The following CLVS1 variants were observed in gnomAD, a reference collection of about 807,000 sequenced individuals.
CLVS1 encodes the protein clavesin-1.
A neutral mutation model predicts 33.1 loss-of-function variants in CLVS1; 10 were observed. The ratio of observed to expected loss-of-function variants is 0.30; its 90% CI spans 0.19 to 0.51. CLVS1 has a LOEUF of 0.51. CLVS1 is among the 20% of genes least tolerant of loss of function. CLVS1 has a pLI of 0.97. For missense variants in CLVS1, 343 were observed against 433.4 expected (o/e 0.79, Z 1.85); for synonymous variants, 163 against 166.1 (o/e 0.98, Z 0.14).
chr8:61,105,974 G>T (rs764922361), intron 1 of CLVS1, among the ~76,000 whole-genome samples: 1 of 152,170 alleles, frequency 6.6e-6, no homozygotes, highest in Non-Finnish European at 1.5e-5. Context: ...GCCAGAAGCC[G>T]GTTGTAGTTC....
chr8:61,319,624 A>C (rs771716269), intron 2 of CLVS1, among the ~76,000 whole-genome samples: 13 of 152,104 alleles, frequency 8.5e-5, no homozygotes, highest in Non-Finnish European at 1.5e-4. Flanking sequence ...CAAGACCCTC[A>C]TTCCTCTGAT....
chr8:61,048,883 C>T, the CLVS1 span, among the ~76,000 whole-genome samples: 2 of 152,086 alleles, frequency 1.3e-5, no homozygotes, highest in Admixed American at 6.5e-5. Flanking sequence ...TCCTATGCAC[C>T]TGAATCTTTG....
chr8:61,397,744 C>A (rs1295595244), intron 3 of CLVS1, among the ~76,000 whole-genome samples: 1 of 152,114 alleles, frequency 6.6e-6, no homozygotes, highest in African/African-American at 2.4e-5. Flanking sequence ...CTCCCATCAT[C>A]ATTTTTTGAA....
intron 3 of CLVS1, among the ~76,000 whole-genome samples, chr8:61,384,228 C>G (rs1813995731): frequency 6.6e-6 from 1 of 152,188 alleles, no homozygotes; most frequent in Admixed American, 6.5e-5. Context: ...AGGCAAGGAG[C>G]TTGTTTGCCC....
chr8:61,014,246 T>A, the CLVS1 span, among the ~76,000 whole-genome samples: 1 of 152,204 alleles, frequency 6.6e-6, no homozygotes, highest in Non-Finnish European at 1.5e-5. Context: ...CTTGTGGAGC[T>A]GGTGTGCCAC....
chr8:61,208,818 C>G (rs143649578), intron 2 of CLVS1, among the ~76,000 whole-genome samples: 2,581 of 152,260 alleles, frequency 0.017, 39 homozygotes, highest in Middle Eastern at 0.034. Flanking sequence ...GATCTCTTGA[C>G]CTTGTGATCT....
At chr8:61,105,661 A>G (rs185093818) in intron 1 of CLVS1, among the ~76,000 whole-genome samples, 14 of 152,334 alleles carry the variant, frequency 9.2e-5, no homozygotes, top group Admixed American at 7.2e-4. Context: ...AAATAAGTAA[A>G]TTAATTTCAA....
At chr8:61,218,998 G>A (rs1053563444) in intron 2 of CLVS1, among the ~76,000 whole-genome samples, 2 of 152,050 alleles carry the variant, frequency 1.3e-5, no homozygotes, top group Non-Finnish European at 2.9e-5. Flanking sequence ...ACAATTGTTG[G>A]GAGGAGATGA....
intron 3 of CLVS1, among the ~76,000 whole-genome samples, chr8:61,433,472 G>A (rs576317754): frequency 5.9e-5 from 9 of 152,174 alleles, no homozygotes; most frequent in Non-Finnish European, 8.8e-5. Context: ...CAGTGCCCAA[G>A]CTTAACTTTA....
chr8:61,492,434 C>T (rs759557161), intron 5 of CLVS1, among the ~76,000 whole-genome samples: 2 of 152,186 alleles, frequency 1.3e-5, no homozygotes, highest in Non-Finnish European at 2.9e-5. Context: ...TCCTCAGTAG[C>T]CTCTTGTGGT....
intron 2 of CLVS1, among the ~76,000 whole-genome samples, chr8:61,360,146 A>T (rs1476900494): frequency 1.3e-5 from 2 of 152,148 alleles, no homozygotes; most frequent in East Asian, 1.9e-4. Context: ...TTAAGAGACC[A>T]CTTAGGATCT....
chr8:61,185,471 G>A (rs1186070418), intron 2 of CLVS1, among the ~76,000 whole-genome samples: 1 of 151,896 alleles, frequency 6.6e-6, no homozygotes. Flanking sequence ...CAGTTTTAAT[G>A]GCTATACTGT....
At chr8:61,291,150 C>T (rs1585755359) in intron 1 of CLVS1, among the ~76,000 whole-genome samples, 1 of 152,164 alleles carries the variant, frequency 6.6e-6, no homozygotes, top group Non-Finnish European at 1.5e-5. Flanking sequence ...AAGTCTGATG[C>T]CTCCCATAGC....
intron 1 of CLVS1, among the ~76,000 whole-genome samples, chr8:61,061,696 C>A (rs116759367): frequency 6.6e-6 from 1 of 151,640 alleles, no homozygotes; most frequent in Admixed American, 6.6e-5. Flanking sequence ...ATCTTTTTTA[C>A]GGAATCAGAA....
At chr8:61,325,516 AG>A (rs1811351401) in intron 2 of CLVS1, among the ~76,000 whole-genome samples, 2 of 152,230 alleles carry the variant, frequency 1.3e-5, no homozygotes, top group South Asian at 4.1e-4. Flanking sequence ...GTTTCCTATG[AG>A]TCTTCCATTG....
chr8:61,123,901 A>C (rs1471136196), intron 1 of CLVS1, among the ~76,000 whole-genome samples: 3 of 152,220 alleles, frequency 2.0e-5, no homozygotes, highest in Non-Finnish European at 4.4e-5. Context: ...GGCGAGGAGG[A>C]TGCTATTGCT....
intron 1 of CLVS1, among the ~76,000 whole-genome samples, chr8:61,113,708 C>T (rs977130326): frequency 6.6e-6 from 1 of 152,254 alleles, no homozygotes; most frequent in Non-Finnish European, 1.5e-5. Flanking sequence ...ACGGCACCTG[C>T]ACTGACACCC....
At chr8:61,323,893 G>A (rs1345168388) in intron 2 of CLVS1, among the ~76,000 whole-genome samples, 2 of 152,052 alleles carry the variant, frequency 1.3e-5, no homozygotes, top group African/African-American at 4.8e-5. Flanking sequence ...AACATGCAGT[G>A]TTTTGTTTTC....
chr8:61,432,446 G>T (rs1246629757), intron 3 of CLVS1, among the ~76,000 whole-genome samples: 1 of 152,192 alleles, frequency 6.6e-6, no homozygotes, highest in Non-Finnish European at 1.5e-5. Context: ...AATTCAACAT[G>T]ATTGGTGTCG....
Sources: allele counts gnomAD v4.1 joint callset (sites outside exome capture counted in the v4.1 genomes callset), GRCh38; gene constraint gnomAD v4.1.1; transcripts MANE v1.5; gene names NCBI Gene and HGNC (gene_info 2026-07-23, HGNC 2026-07-21).